Variants in MORN1 observed in about 807,000 individuals in gnomAD.
MORN1 encodes MORN repeat-containing protein 1.
Under a neutral mutation model 61.9 loss-of-function variants are expected in MORN1, and 67 were observed. The ratio of observed to expected loss-of-function variants is 1.08; its 90% CI spans 0.89 to 1.33. MORN1 has a LOEUF of 1.33. Ranked by LOEUF, MORN1 falls within the 40% of genes most tolerant of loss-of-function variation. The probability of loss-of-function intolerance (pLI) is 0.00; values close to 1 mark genes in which losing one functional copy is unlikely to be tolerated. For synonymous variants in MORN1, 301 were observed against 292.0 expected (o/e 1.03, Z -0.31); for missense variants, 752 against 691.2 (o/e 1.09, Z -0.99).
chr1:2,353,377 G>A (rs1641692129), intron 10 of MORN1, among the ~76,000 whole-genome samples: 1 of 152,204 alleles, frequency 6.6e-6, no homozygotes, highest in African/African-American at 2.4e-5. Flanking sequence ...TGATTCTAGG[G>A]CCTCCGTGCA....
chr1:2,323,562 G>T, intron 13 of MORN1: 3 of 985,336 alleles, frequency 3.0e-6, no homozygotes, highest in Non-Finnish European at 3.6e-6. Flanking sequence ...GCCAGGCCCA[G>T]GCTGTGGGGC....
Position 2,353,591 on chromosome 1 carries a change from A to T in MORN1, c.1036+3841T>A, listed in dbSNP as rs576276781. On this transcript the variant is annotated intron_variant, in intron 10 of 13. Coordinates refer to ENST00000378531, the MANE Select transcript of MORN1 (RefSeq NM_024848.3). ...CTCTTGCTGAAGCCATGATTACTTT[A>T]GTTTTCTCCTACTTGGGGATGAATG... is the stretch of plus-strand genomic sequence containing the variant. Among the ~76,000 whole-genome samples the T allele has an allele frequency of 1.3e-3, 191 of 152,344 alleles. 1 individual carries two copies. Among genetic ancestry groups the T allele is most frequent in the African/African-American group, 4.4e-3 (185 of 41,598 alleles).
intron 8 of MORN1, chr1:2,371,082 G>T (rs1028827705): frequency 6.6e-6 from 1 of 152,130 alleles, no homozygotes; most frequent in Non-Finnish European, 1.5e-5. Context: ...GGTGGTGGGC[G>T]CCTGTAGTCC....
At chr1:2,363,801 C>CAAAAA (rs1641943551) in intron 8 of MORN1, among the ~76,000 whole-genome samples, 1 of 73,542 alleles carries the variant, frequency 1.4e-5, no homozygotes, top group Admixed American at 1.6e-4. Flanking sequence ...AACAAACAAA[C>CAAAAA]AAACAAAAAA....
chr1:2,362,986 G>C (rs1338429489), intron 8 of MORN1: 1 of 152,192 alleles, frequency 6.6e-6, no homozygotes, highest in Non-Finnish European at 1.5e-5. Context: ...AGGAAAATGA[G>C]AGCAGATGGA....
intron 12 of MORN1, among the ~76,000 whole-genome samples, chr1:2,325,305 T>TC (rs1491121179): frequency 1.4e-4 from 20 of 146,938 alleles, no homozygotes; most frequent in African/African-American, 4.6e-4. Flanking sequence ...TCTCTCTCTC[T>TC]TTTTCTCTCC....
intron 6 of MORN1, chr1:2,379,252 T>A: frequency 2.3e-6 from 1 of 432,668 alleles, no homozygotes. Context: ...GCCAAGGGCA[T>A]GATCCGAGGT....
chr1:2,332,119 C>A (rs529850596), intron 12 of MORN1: 1 of 168,348 alleles, frequency 5.9e-6, no homozygotes. Flanking sequence ...ATGACAGTGA[C>A]AGGCTCTGAT....
At chr1:2,339,789 GCCCAGCCTGGC>G (rs1253855639) in intron 10 of MORN1, among the ~76,000 whole-genome samples, 1 of 152,176 alleles carries the variant, frequency 6.6e-6, no homozygotes, top group Non-Finnish European at 1.5e-5. Context: ...CCGGAGCTCA[GCCCAGCCTGGC>G]CCCGGCCTGA....
In MORN1 at chr1:2,372,419, A is replaced by G; in HGVS notation, c.745+62T>C. 1.5e-6 allele frequency: 2 copies of G among 1,328,912 alleles called. No homozygotes were observed. The highest frequency in any genetic ancestry group is 2.1e-6 in the Non-Finnish European group (2 of 946,506). The allele number at this position is 1,328,912 out of a possible 1,614,324, so 82.3% of individuals were successfully genotyped here. The stretch of plus-strand genomic sequence containing the variant: ...CATCTCGTCCGCATCTTCACTGCTT[A>G]AGAACCTGCTGCCTGTTTCTCTTTT... On this transcript the variant is annotated intron_variant, in intron 8 of 13. Coordinates refer to ENST00000378531, the MANE Select transcript of MORN1 (RefSeq NM_024848.3). The surrounding 1 kb of genome is among the most constrained non-coding windows in gnomAD (Gnocchi z 5.4).
At chr1:2,331,260 C>T (rs933247640) in intron 12 of MORN1, among the ~76,000 whole-genome samples, 8 of 152,232 alleles carry the variant, frequency 5.3e-5, no homozygotes, top group African/African-American at 1.4e-4. Context: ...CAGAGCCACT[C>T]GGGACCCCTC....
chr1:2,373,646 C>A (rs1179744629), intron 7 of MORN1, among the ~76,000 whole-genome samples: 1 of 152,180 alleles, frequency 6.6e-6, no homozygotes, highest in African/African-American at 2.4e-5. Flanking sequence ...GCCTCCATCC[C>A]AGGATCCCCT....
chr1:2,363,053 A>G (rs1202013665), intron 8 of MORN1: 1 of 152,236 alleles, frequency 6.6e-6, no homozygotes, highest in Non-Finnish European at 1.5e-5. Flanking sequence ...ATGTGGGTCA[A>G]CAGAAGAGAC....
chr1:2,374,641 C>T, intron 6 of MORN1, 84 bp from the exon 7 acceptor site: 1 of 1,197,956 alleles, frequency 8.3e-7, no homozygotes, highest in Non-Finnish European at 1.2e-6. Flanking sequence ...CTTCCTGGTG[C>T]TACAGCAGGG....
At position 2,353,673 on chromosome 1, in the gene MORN1, G is replaced by A. The variant is rs189722283; in HGVS notation, c.1036+3759C>T. ...ATTCCGTTTCCTCTGCAGGGCTCCT[G>A]GCCGGAGTCCCCGATCCCCTAGGGG... On this transcript the variant is annotated intron_variant, in intron 10 of 13. Coordinates refer to ENST00000378531, the MANE Select transcript of MORN1 (RefSeq NM_024848.3). Among the ~76,000 whole-genome samples, 77 of 152,350 alleles carry A rather than the reference G, an allele frequency of 5.1e-4. No individual in the cohort carries two copies. In the South Asian group the frequency reaches 9.9e-3, roughly 20 times the overall value.
At chr1:2,323,467 G>A (rs1434620605) in intron 13 of MORN1, 8 of 985,284 alleles carry the variant, frequency 8.1e-6, no homozygotes, top group Admixed American at 1.2e-4. Flanking sequence ...CCAGTCAGCC[G>A]CGGTGCCCAG....
At chr1:2,358,899 T>A (rs960777086) in intron 8 of MORN1, among the ~76,000 whole-genome samples, 184 bp from the exon 9 acceptor site, 2 of 152,130 alleles carry the variant, frequency 1.3e-5, no homozygotes, top group African/African-American at 4.8e-5. Context: ...TCCTCTCCCA[T>A]GCCCTGCAGA....
Position 2,385,882 on chromosome 1 carries a change from A to C in MORN1, c.374T>G (p.Val125Gly). The change falls in exon 5 of 14, where the codon GTG becomes GGG. Residue 125 changes from valine to glycine, a missense_variant. Transcript: ENST00000378531. ...HGMREGHGFLVDRDGQVYQGS... is the reference protein window; with the variant it reads ...HGMREGHGFLGDRDGQVYQGS... ...CTGGTACACTTGTCCATCCCGGTCC[A>C]CCAGAAACCCGTGTCCTGGAGAAGG... The C allele has an allele frequency of 6.2e-7, 1 of 1,613,934 alleles. No homozygotes were observed. Among genetic ancestry groups the C allele is most frequent in the Non-Finnish European group, 8.5e-7 (1 of 1,180,016 alleles).
chr1:2,325,146 C>CCCTT (rs1640988303), intron 12 of MORN1, among the ~76,000 whole-genome samples: 14 of 19,410 alleles, frequency 7.2e-4, no homozygotes, highest in African/African-American at 2.0e-3. Context: ...CTCCCTCCCT[C>CCCTT]CCTTCCTTCC....
Sources: allele counts gnomAD v4.1 joint callset (sites outside exome capture counted in the v4.1 genomes callset), GRCh38; gene constraint gnomAD v4.1.1; non-coding constraint Gnocchi (gnomAD v3.1); transcripts MANE v1.5; gene names NCBI Gene and HGNC (gene_info 2026-07-23, HGNC 2026-07-21).